MEMO1: variants seen among roughly 807,000 people sequenced by gnomAD.
MEMO1 encodes mediator of cell motility 1, also known as protein MEMO1.
In MEMO1, 6 loss-of-function variants were observed where a neutral mutation model predicts 45.2. The observed-to-expected ratio is 0.13, with a 90% confidence interval of 0.07 to 0.26. MEMO1 has a LOEUF of 0.26. Ranked by LOEUF, MEMO1 falls within the 10% of genes least tolerant of loss-of-function variation. The pLI, the probability that MEMO1 is intolerant of heterozygous loss-of-function variation, is 1.00. For missense variants in MEMO1, 184 were observed against 370.5 expected, an observed-to-expected ratio of 0.50 and a Z score of 4.13; for synonymous variants, 78 against 124.3, an observed-to-expected ratio of 0.63 and a Z score of 2.48.
At chr2:31,917,145 A>G (rs1009001844) in intron 6 of MEMO1, among the ~76,000 whole-genome samples, 2 of 152,180 alleles carry the variant, frequency 1.3e-5, no homozygotes, top group African/African-American at 4.8e-5. Context: ...TACTTTACTA[A>G]TATAATGAAC....
intron 2 of MEMO1, among the ~76,000 whole-genome samples, chr2:31,980,638 C>T (rs2148499089): frequency 6.6e-6 from 1 of 151,922 alleles, no homozygotes; most frequent in South Asian, 2.1e-4. Context: ...CAGTTTTAGC[C>T]TCCTTCTCCA....
At chr2:31,989,462 G>A (rs1430428178) in intron 2 of MEMO1, among the ~76,000 whole-genome samples, 1 of 152,152 alleles carries the variant, frequency 6.6e-6, no homozygotes, top group Non-Finnish European at 1.5e-5. Context: ...ACATTTAGAA[G>A]ATCTGCGTAA....
intron 2 of MEMO1, among the ~76,000 whole-genome samples, chr2:31,977,431 G>A (rs929410533): frequency 9.2e-5 from 14 of 152,102 alleles, no homozygotes; most frequent in African/African-American, 2.9e-4. Context: ...AATGATGACC[G>A]CAGGAAAACA....
chr2:31,883,445 T>C lies in MEMO1; in HGVS notation c.598A>G (p.Ser200Gly), dbSNP rs1572561345. Residue 200 changes from serine (S) to glycine (G), a missense_variant, in exon 8 of 10, where the codon AGT (serine) becomes GGT (glycine). Physicochemically the swap from Ser to Gly is moderately conservative, Grantham distance 56 (BLOSUM62 0). Transcript: ENST00000404530. ...FCHWGQRFRY[S>G]YYDESQGEIY... is the part of the protein sequence containing the mutation. ...TCCCCCTGGGATTCATCATAGTAAC[T>C]GTAACGGAACCTTTGACCTTGAAAC... The C allele has an allele frequency of 3.1e-6, 5 of 1,592,128 alleles. No individual in the cohort carries two copies. Among genetic ancestry groups the C allele is most frequent in the Non-Finnish European group, 4.3e-6 (5 of 1,170,918 alleles).
At chr2:31,889,290 G>A (rs1016154586) in intron 7 of MEMO1, among the ~76,000 whole-genome samples, 7 of 152,058 alleles carry the variant, frequency 4.6e-5, no homozygotes, top group Non-Finnish European at 1.0e-4. Flanking sequence ...TATTTATAGT[G>A]TGTTAAGAGG....
intron 2 of MEMO1, among the ~76,000 whole-genome samples, chr2:31,993,949 C>CTTTTTTTTTTTTTTT (rs397800267): frequency 1.1e-4 from 8 of 73,554 alleles, no homozygotes; most frequent in African/African-American, 2.4e-4. Context: ...TCAATACTTT[C>CTTTTTTTTTTTTTTT]TTTTTTTTTT....
chr2:31,982,056 T>C (rs1558552370), intron 2 of MEMO1, among the ~76,000 whole-genome samples: 1 of 152,010 alleles, frequency 6.6e-6, no homozygotes, highest in Admixed American at 6.6e-5. Context: ...CCCAACACTT[T>C]GAGAGACCAA....
At chr2:31,988,530 A>G (rs918968796) in intron 2 of MEMO1, among the ~76,000 whole-genome samples, 1 of 152,114 alleles carries the variant, frequency 6.6e-6, no homozygotes, top group African/African-American at 2.4e-5. Context: ...TGGGCGACAA[A>G]GCAAGACTCT....
At chr2:31,882,933 A>G (rs1353519168) in intron 8 of MEMO1, among the ~76,000 whole-genome samples, 1 of 152,150 alleles carries the variant, frequency 6.6e-6, no homozygotes, top group Admixed American at 6.5e-5. Context: ...CTAAAAATAT[A>G]CTAAGTTATT....
intron 2 of MEMO1, among the ~76,000 whole-genome samples, chr2:31,989,139 G>C (rs141521205): frequency 6.6e-6 from 1 of 151,968 alleles, no homozygotes; most frequent in East Asian, 1.9e-4. Flanking sequence ...CCAGGAGGCA[G>C]AGGTTGCGGT....
intron 6 of MEMO1, among the ~76,000 whole-genome samples, chr2:31,898,022 C>A (rs1475064297): frequency 6.6e-6 from 1 of 151,726 alleles, no homozygotes; most frequent in Non-Finnish European, 1.5e-5. Context: ...TATAGTATTC[C>A]CTGTGGCAGT....
chr2:32,001,695 G>C (rs192485344), intron 2 of MEMO1, among the ~76,000 whole-genome samples: 1 of 152,046 alleles, frequency 6.6e-6, no homozygotes, highest in Admixed American at 6.6e-5. Flanking sequence ...GAAGTCCTGG[G>C]TTCAAAACCC....
rs1558542003 is a variant in MEMO1 at position 31,969,589 on chromosome 2, GT to G, written c.62-26207del. ...CTTTTCTGGGGGTGTGTGTGTGGGT[GT>G]GTGTGTGTGTGTGTGTGTGTGTGTG... On this transcript the variant is annotated intron_variant, in intron 2 of 9. Transcript: ENST00000404530. Among the ~76,000 whole-genome samples, 324 of 43,548 alleles carry G rather than the reference GT, an allele frequency of 7.4e-3. 2 individuals carry two copies. Among genetic ancestry groups the G allele is most frequent in the Middle Eastern group, 0.03 (3 of 100 alleles). 28.6% of individuals were successfully genotyped at this position (43,548 alleles called of 152,430 possible).
At chr2:31,945,452 G>A (rs1017358044) in intron 2 of MEMO1, among the ~76,000 whole-genome samples, 25 of 152,196 alleles carry the variant, frequency 1.6e-4, no homozygotes, top group South Asian at 8.3e-4. Flanking sequence ...AAGGTAGCTG[G>A]ATCAACTTAT....
intron 2 of MEMO1, among the ~76,000 whole-genome samples, chr2:31,981,672 C>T (rs929809991): frequency 9.9e-5 from 15 of 152,142 alleles, no homozygotes; most frequent in African/African-American, 3.6e-4. Flanking sequence ...CAAGAAAGTT[C>T]CCAAAAATTC....
At position 32,008,267 on chromosome 2, in the gene MEMO1, T is replaced by A. The variant is rs147764526; in HGVS notation, c.61+1920A>T. Among the ~76,000 whole-genome samples, 678 of 152,346 alleles carry A rather than the reference T, an allele frequency of 4.5e-3. 4 individuals carry two copies. The highest frequency in any genetic ancestry group is 6.2e-3 in the South Asian group (30 of 4,834). On this transcript the variant is annotated intron_variant, in intron 2 of 9. Coordinates refer to ENST00000404530, the MANE Select transcript of MEMO1 (RefSeq NM_001301833.4). ...CCAGAATCACTTGCCCACATTCCAA[T>A]GCAAACTACAACGAAAGTTTAAAAC...
chr2:32,001,963 T>C (rs1673373262), intron 2 of MEMO1, among the ~76,000 whole-genome samples: 1 of 151,510 alleles, frequency 6.6e-6, no homozygotes, highest in Non-Finnish European at 1.5e-5. Flanking sequence ...CTGACCAACA[T>C]GGTGAAACCC....
intron 2 of MEMO1, among the ~76,000 whole-genome samples, chr2:31,950,715 C>T (rs1224635363): frequency 7.4e-6 from 1 of 135,622 alleles, no homozygotes; most frequent in Non-Finnish European, 1.6e-5. Context: ...AGTGAGACTC[C>T]ATCTCAAAAA....
chr2:31,970,854 A>G lies in MEMO1; in HGVS notation c.62-27471T>C, dbSNP rs547192689. Among the ~76,000 whole-genome samples, 161 of 152,218 alleles carry G rather than the reference A, an allele frequency of 1.1e-3. 1 individual carries two copies. Among genetic ancestry groups the G allele is most frequent in the African/African-American group, 3.8e-3 (159 of 41,522 alleles). ...CCCCGTCTCTACTAAAAATAGACCAATTAGCTGGACATGGTGGCAGGCACC... is the reference window on the plus strand; with the variant it reads ...CCCCGTCTCTACTAAAAATAGACCAGTTAGCTGGACATGGTGGCAGGCACC... On this transcript the variant is annotated intron_variant, in intron 2 of 9. Coordinates refer to ENST00000404530, the MANE Select transcript of MEMO1 (RefSeq NM_001301833.4).
Sources: gnomAD v4.1 joint callset for allele counts (sites outside exome capture counted in the v4.1 genomes callset) on GRCh38, gnomAD v4.1.1 for gene constraint, MANE v1.5 for transcripts, NCBI Gene and HGNC (gene_info 2026-07-23, HGNC 2026-07-21) for gene names.